CNTN5: variants seen among roughly 807,000 people sequenced by gnomAD.
CNTN5 encodes the protein contactin-5.
In CNTN5, 77 loss-of-function variants were observed where a neutral mutation model predicts 129.1. That is an observed-to-expected ratio of 0.60 (90% CI 0.50 to 0.72). The LOEUF is 0.72. Ranked by LOEUF, CNTN5 falls within the 30% of genes least tolerant of loss-of-function variation. CNTN5 has a pLI of 0.00. For synonymous variants in CNTN5, 509 were observed against 465.6 expected, an observed-to-expected ratio of 1.09 and a Z score of -1.20; for missense variants, 1,478 against 1,328.8, an observed-to-expected ratio of 1.11 and a Z score of -1.75.
chr11:99,596,589 C>A (rs1199406079), intron 3 of CNTN5, among the ~76,000 whole-genome samples: 1 of 152,112 alleles, frequency 6.6e-6, no homozygotes, highest in African/African-American at 2.4e-5. Context: ...TCTTATATGT[C>A]TTTGCTTCAG....
At chr11:99,586,199 C>T (rs1220327440) in intron 3 of CNTN5, among the ~76,000 whole-genome samples, 1 of 152,046 alleles carries the variant, frequency 6.6e-6, no homozygotes, top group African/African-American at 2.4e-5. Flanking sequence ...GACTGATTAA[C>T]CCACTTCAAT....
chr11:100,308,090 T>A (rs1951394537), intron 20 of CNTN5, among the ~76,000 whole-genome samples: 1 of 151,732 alleles, frequency 6.6e-6, no homozygotes, highest in Non-Finnish European at 1.5e-5. Context: ...AAATTTAAGT[T>A]CCCCAGAAAT....
rs529830692 is a variant in CNTN5, at chr11:99,125,853, T to C, written c.-210+104583T>C. 1.7e-3 allele frequency among the ~76,000 whole-genome samples: 266 copies of C among 152,248 alleles called. 2 individuals carry two copies. Among genetic ancestry groups the C allele is most frequent in the African/African-American group, 6.1e-3 (254 of 41,556 alleles). On this transcript the variant is annotated intron_variant, in intron 1 of 24. Coordinates refer to ENST00000524871, the MANE Select transcript of CNTN5 (RefSeq NM_014361.4). ...TGACTTTTAACATCACAAACTCAAA[T>C]GATCCAAGGTACAATGAAAATGGTA...
chr11:99,022,620 A>C (rs1249813726), intron 1 of CNTN5, among the ~76,000 whole-genome samples: 1 of 152,162 alleles, frequency 6.6e-6, no homozygotes, highest in South Asian at 2.1e-4. Flanking sequence ...TATGTCATAT[A>C]AAACTAATGA....
At chr11:100,015,706 A>G (rs1256836751) in intron 9 of CNTN5, among the ~76,000 whole-genome samples, 1 of 152,168 alleles carries the variant, frequency 6.6e-6, no homozygotes, top group Non-Finnish European at 1.5e-5. Flanking sequence ...TTAATTTTAA[A>G]AAACAATACA....
chr11:99,864,611 C>G (rs990351362), intron 6 of CNTN5, among the ~76,000 whole-genome samples: 1 of 152,142 alleles, frequency 6.6e-6, no homozygotes, highest in African/African-American at 2.4e-5. Flanking sequence ...CCTCTTTCAA[C>G]TCAGGATCTC....
At chr11:100,201,511 C>A (rs527984612) in intron 15 of CNTN5, among the ~76,000 whole-genome samples, 2 of 152,048 alleles carry the variant, frequency 1.3e-5, no homozygotes, top group South Asian at 4.1e-4. Context: ...TGCCTAATAA[C>A]CATCTTTTCT....
intron 9 of CNTN5, among the ~76,000 whole-genome samples, chr11:100,053,108 C>T (rs997741859): frequency 5.3e-5 from 8 of 151,702 alleles, no homozygotes; most frequent in African/African-American, 1.4e-4. Context: ...TAGATTTCTA[C>T]ATACCTAAAT....
chr11:100,060,640 C>CTT (rs10700520), intron 9 of CNTN5, among the ~76,000 whole-genome samples: 24,502 of 136,718 alleles, frequency 0.18, 2,322 homozygotes, highest in East Asian at 0.26. Context: ...AATTTTTTTT[C>CTT]TTTTTTTTTT....
At chr11:99,402,655 G>A (rs1435723530) in intron 2 of CNTN5, among the ~76,000 whole-genome samples, 3 of 152,086 alleles carry the variant, frequency 2.0e-5, no homozygotes, top group African/African-American at 7.2e-5. Flanking sequence ...ATTGGTATTA[G>A]TTCTTTAAAT....
intron 1 of CNTN5, among the ~76,000 whole-genome samples, chr11:99,030,190 T>C (rs533277938): frequency 2.6e-5 from 4 of 152,184 alleles, no homozygotes; most frequent in East Asian, 1.9e-4. Context: ...TACTAACTCA[T>C]AGTTTTTTTT....
At chr11:100,253,571 G>A (rs1210360056) in intron 16 of CNTN5, among the ~76,000 whole-genome samples, 3 of 152,098 alleles carry the variant, frequency 2.0e-5, no homozygotes, top group Admixed American at 1.3e-4. Flanking sequence ...GATTATCACA[G>A]CTATTAGTAT....
chr11:99,971,780 AAG>A (rs1951263253), intron 8 of CNTN5, among the ~76,000 whole-genome samples: 1 of 151,882 alleles, frequency 6.6e-6, no homozygotes, highest in African/African-American at 2.4e-5. Context: ...ACTAAAGACT[AAG>A]ATAATCATTA....
At chr11:99,049,420 T>C (rs772133283) in intron 1 of CNTN5, among the ~76,000 whole-genome samples, 1 of 152,154 alleles carries the variant, frequency 6.6e-6, no homozygotes, top group Non-Finnish European at 1.5e-5. Flanking sequence ...CAGTCCATGG[T>C]TACCCTAATT....
intron 7 of CNTN5, among the ~76,000 whole-genome samples, chr11:99,939,740 T>C (rs1950393157): frequency 6.6e-6 from 1 of 152,108 alleles, no homozygotes; most frequent in Non-Finnish European, 1.5e-5. Context: ...AGATCAAAGG[T>C]AAATAAGTCC....
Position 99,839,745 on chromosome 11 carries a change from AGAGTT to A in CNTN5, c.278-5104_278-5100del, listed in dbSNP as rs1159640883. Reference sequence around the variant, plus strand: ...AATGGAAGAGAGAAAAAATGATTAAAGAGTTGAAACTCTTAGTAGTAGTAATATAT... The same window carrying A: ...AATGGAAGAGAGAAAAAATGATTAAAGAAACTCTTAGTAGTAGTAATATAT... On this transcript the variant is annotated intron_variant, in intron 4 of 24. Coordinates refer to ENST00000524871, the MANE Select transcript of CNTN5 (RefSeq NM_014361.4). 2.6e-5 allele frequency among the ~76,000 whole-genome samples: 4 copies of A among 152,258 alleles called. No homozygotes were observed. The East Asian group carries it at 7.7e-4, about 29-fold the overall frequency.
rs563717978 is a variant in CNTN5 at position 99,504,557 on chromosome 11, G to T, written c.-70-51588G>T. ...AAAAAAAAAAAAAAAAGAAAGAAAA[G>T]AAATTAAAATATAATTTTACATTTG... On this transcript the variant is annotated intron_variant, in intron 2 of 24. Coordinates refer to ENST00000524871, the MANE Select transcript of CNTN5 (RefSeq NM_014361.4). 1.8e-3 allele frequency among the ~76,000 whole-genome samples: 261 copies of T among 147,810 alleles called. 1 individual carries two copies. The highest frequency in any genetic ancestry group is 4.5e-3 in the Admixed American group (67 of 14,928).
At chr11:100,161,819 C>T (rs914060785) in intron 13 of CNTN5, among the ~76,000 whole-genome samples, 1 of 116,520 alleles carries the variant, frequency 8.6e-6, no homozygotes, top group Non-Finnish European at 1.7e-5. Context: ...AAGGATAGCC[C>T]TGGAGCTTCC....
At chr11:100,328,439 G>T (rs1344454374) in intron 21 of CNTN5, among the ~76,000 whole-genome samples, 2 of 152,136 alleles carry the variant, frequency 1.3e-5, no homozygotes, top group African/African-American at 4.8e-5. Flanking sequence ...AAGAAAAAAG[G>T]TTTAATTGAC....
Sources: allele counts gnomAD v4.1 joint callset (sites outside exome capture counted in the v4.1 genomes callset), GRCh38; gene constraint gnomAD v4.1.1; transcripts MANE v1.5; gene names NCBI Gene and HGNC (gene_info 2026-07-23, HGNC 2026-07-21).